SAMD12: variants seen among roughly 807,000 people sequenced by gnomAD.
The protein encoded by SAMD12 is sterile alpha motif domain-containing protein 12.
A neutral mutation model predicts 15.0 loss-of-function variants in SAMD12; 9 were observed. That is an observed-to-expected ratio of 0.60 (90% confidence interval 0.36 to 1.05). The LOEUF (loss-of-function observed/expected upper bound fraction) is 1.05. SAMD12 is among the 50% of genes least tolerant of loss of function. SAMD12 has a pLI of 0.01. For synonymous variants in SAMD12, 86 were observed against 90.1 expected, an observed-to-expected ratio of 0.96 and a Z score of 0.25; for missense variants, 230 against 234.2, an observed-to-expected ratio of 0.98 and a Z score of 0.12.
chr8:118,577,029 C>A (rs1272572731), intron 2 of SAMD12, among the ~76,000 whole-genome samples: 2 of 152,204 alleles, frequency 1.3e-5, no homozygotes, highest in Admixed American at 1.3e-4. Context: ...GCATGGCATG[C>A]ATATTCTCTC....
chr8:118,198,949 T>C (rs974280188), intron 4 of SAMD12, among the ~76,000 whole-genome samples: 4 of 152,122 alleles, frequency 2.6e-5, no homozygotes, highest in Non-Finnish European at 4.4e-5. Context: ...TTATTTATCA[T>C]AGAGGAAAAA....
At chr8:118,389,951 A>G (rs941630010) in intron 3 of SAMD12, among the ~76,000 whole-genome samples, 6 of 152,158 alleles carry the variant, frequency 3.9e-5, no homozygotes, top group Non-Finnish European at 5.9e-5. Flanking sequence ...TATGGGTCAT[A>G]GCCAAACAAA....
intron 2 of SAMD12, among the ~76,000 whole-genome samples, chr8:118,480,172 T>C (rs1231559496): frequency 6.6e-6 from 1 of 152,224 alleles, no homozygotes; most frequent in Non-Finnish European, 1.5e-5. Flanking sequence ...TGATTACTGA[T>C]GCCTGTGGAA....
At chr8:118,244,005 TTA>T (rs1812630055) in intron 4 of SAMD12, among the ~76,000 whole-genome samples, 1 of 152,124 alleles carries the variant, frequency 6.6e-6, no homozygotes, top group Non-Finnish European at 1.5e-5. Flanking sequence ...AAGCCGAGTT[TTA>T]TATCTCAGAG....
intron 1 of SAMD12, among the ~76,000 whole-genome samples, chr8:118,600,664 T>C (rs1827838170): frequency 6.6e-6 from 1 of 152,228 alleles, no homozygotes; most frequent in African/African-American, 2.4e-5. Context: ...AAAATAATTA[T>C]ACATGTAGTA....
downstream of SAMD12, chr8:118,375,760 A>G (rs1819356128): frequency 6.6e-6 from 1 of 152,148 alleles, no homozygotes; most frequent in South Asian, 2.1e-4. Context: ...TCATCAAACA[A>G]AGTGACATAA....
the SAMD12 span, among the ~76,000 whole-genome samples, chr8:118,176,273 C>A: frequency 6.6e-5 from 10 of 151,984 alleles, no homozygotes; most frequent in Non-Finnish European, 1.3e-4. Context: ...TGCATTCCAG[C>A]CTGGGAGACA....
At chr8:118,505,631 C>T (rs939234802) in intron 2 of SAMD12, among the ~76,000 whole-genome samples, 1 of 151,534 alleles carries the variant, frequency 6.6e-6, no homozygotes, top group African/African-American at 2.4e-5. Context: ...CAGAAGGAGC[C>T]TGTGACACTG....
At chr8:118,569,133 C>T (rs1826935578) in intron 2 of SAMD12, among the ~76,000 whole-genome samples, 4 of 152,132 alleles carry the variant, frequency 2.6e-5, no homozygotes, top group African/African-American at 7.2e-5. Context: ...CAACCTTAAT[C>T]TAAAAATCCA....
At chr8:118,158,358 G>A in the SAMD12 span, among the ~76,000 whole-genome samples, 1 of 152,222 alleles carries the variant, frequency 6.6e-6, no homozygotes, top group African/African-American at 2.4e-5. Context: ...TGGAGCAGCT[G>A]CTGCAAAGAC....
chr8:118,333,451 A>C (rs748633310), intron 4 of SAMD12, among the ~76,000 whole-genome samples: 8 of 152,192 alleles, frequency 5.3e-5, no homozygotes, highest in Non-Finnish European at 1.2e-4. Context: ...ACTTCTGAAA[A>C]AGAAGGGATG....
intron 4 of SAMD12, among the ~76,000 whole-genome samples, chr8:118,294,426 GC>G (rs1227777820): frequency 6.6e-6 from 1 of 152,224 alleles, no homozygotes; most frequent in Non-Finnish European, 1.5e-5. Flanking sequence ...AGGAAGAAGA[GC>G]TTCAGCAGCT....
At chr8:118,283,890 T>TTACA (rs1735005618) in intron 4 of SAMD12, among the ~76,000 whole-genome samples, 1 of 152,202 alleles carries the variant, frequency 6.6e-6, no homozygotes, top group Non-Finnish European at 1.5e-5. Context: ...ACTTCACGTA[T>TTACA]TACAGCATGT....
chr8:118,312,937 C>T (rs1475533598), intron 4 of SAMD12, among the ~76,000 whole-genome samples: 2 of 152,014 alleles, frequency 1.3e-5, no homozygotes, highest in East Asian at 3.8e-4. Flanking sequence ...AACAGTATTC[C>T]CATAGTTACT....
At chr8:118,291,220 A>G (rs967920925) in intron 4 of SAMD12, 1 of 152,202 alleles carries the variant, frequency 6.6e-6, no homozygotes, top group Non-Finnish European at 1.5e-5. Flanking sequence ...TAGATTAATA[A>G]CACACAGGAA....
chr8:118,303,099 AT>A (rs1206409854), intron 4 of SAMD12, among the ~76,000 whole-genome samples: 1 of 152,250 alleles, frequency 6.6e-6, no homozygotes, highest in Non-Finnish European at 1.5e-5. Flanking sequence ...CACATTAAAA[AT>A]AACTTACAAA....
At chr8:118,470,784 T>G (rs1208886657) in intron 2 of SAMD12, among the ~76,000 whole-genome samples, 1 of 152,242 alleles carries the variant, frequency 6.6e-6, no homozygotes, top group African/African-American at 2.4e-5. Context: ...CACTCTTCTG[T>G]ATTCATTCAG....
At chr8:118,204,263 T>C (rs2129787262) in intron 4 of SAMD12, among the ~76,000 whole-genome samples, 2 of 152,284 alleles carry the variant, frequency 1.3e-5, no homozygotes, top group South Asian at 4.2e-4. Flanking sequence ...ACAAAGGATT[T>C]ATGTGGCCAT....
chr8:118,441,360 TAAAG>T (rs755777634), intron 2 of SAMD12, among the ~76,000 whole-genome samples: 1 of 151,814 alleles, frequency 6.6e-6, no homozygotes, highest in Non-Finnish European at 1.5e-5. Flanking sequence ...AATAAAAAAA[TAAAG>T]AAACAATGGT....
Sources: gnomAD v4.1 joint callset for allele counts (sites outside exome capture counted in the v4.1 genomes callset) on GRCh38, gnomAD v4.1.1 for gene constraint, MANE v1.5 for transcripts, NCBI Gene and HGNC (gene_info 2026-07-23, HGNC 2026-07-21) for gene names.